Variants in TCEA1 observed in about 807,000 individuals in gnomAD.
The protein encoded by TCEA1 is transcription elongation factor A1.
Under a neutral mutation model 43.8 loss-of-function variants are expected in TCEA1, and 21 were observed. The ratio of observed to expected loss-of-function variants is 0.48; its 90% confidence interval spans 0.34 to 0.69. The LOEUF (loss-of-function observed/expected upper bound fraction) is 0.69. Among genes scored for constraint, TCEA1 ranks in the 30% least tolerant of loss-of-function variants. The pLI is 0.01. For missense variants in TCEA1, 250 were observed against 365.1 expected, an observed-to-expected ratio of 0.68 and a Z score of 2.57; for synonymous variants, 104 against 117.5, an observed-to-expected ratio of 0.88 and a Z score of 0.75.
At chr8:54,005,502 A>G (rs1804410372) in intron 2 of TCEA1, among the ~76,000 whole-genome samples, 1 of 151,994 alleles carries the variant, frequency 6.6e-6, no homozygotes, top group African/African-American at 2.4e-5. Flanking sequence ...TCACCCCTCC[A>G]TTTTTATTTT....
intron 2 of TCEA1, among the ~76,000 whole-genome samples, chr8:54,000,961 G>A (rs1010865097): frequency 3.3e-5 from 5 of 152,030 alleles, no homozygotes; most frequent in Admixed American, 6.6e-5. Flanking sequence ...ACTGCACCAC[G>A]TTGGCCAGGC....
At chr8:54,004,497 T>C (rs1804376227) in intron 2 of TCEA1, among the ~76,000 whole-genome samples, 1 of 152,042 alleles carries the variant, frequency 6.6e-6, no homozygotes, top group African/African-American at 2.4e-5. Context: ...CCTGAAAACA[T>C]TAAGCTAAGT....
intron 1 of TCEA1, among the ~76,000 whole-genome samples, chr8:54,020,134 T>G (rs974771907): frequency 1.5e-4 from 23 of 152,316 alleles, no homozygotes; most frequent in African/African-American, 5.3e-4. Context: ...AGCAAACATC[T>G]AATGCATTAG....
At chr8:53,994,092 CT>C (rs1231543770) in intron 3 of TCEA1, among the ~76,000 whole-genome samples, 1 of 152,214 alleles carries the variant, frequency 6.6e-6, no homozygotes, top group Non-Finnish European at 1.5e-5. Context: ...TGGCTCACGC[CT>C]GTAATTCCAG....
intron 1 of TCEA1, among the ~76,000 whole-genome samples, chr8:54,017,166 C>T (rs1322166917): frequency 6.6e-6 from 1 of 152,048 alleles, no homozygotes; most frequent in Non-Finnish European, 1.5e-5. Context: ...TGAGGAGTGA[C>T]TGCTTAATAG....
intron 2 of TCEA1, among the ~76,000 whole-genome samples, chr8:54,008,010 C>T (rs768771806): frequency 6.6e-6 from 1 of 151,720 alleles, no homozygotes; most frequent in Admixed American, 6.6e-5. Flanking sequence ...GGTGAAACCC[C>T]GTCTCTACTA....
intron 4 of TCEA1, among the ~76,000 whole-genome samples, chr8:53,988,993 C>T (rs1247774605): frequency 1.3e-5 from 2 of 151,554 alleles, no homozygotes; most frequent in Non-Finnish European, 2.9e-5. Flanking sequence ...CGCTTGAACC[C>T]AGAGGCAGAG....
chr8:54,014,150 G>A (rs2129313792), intron 1 of TCEA1, among the ~76,000 whole-genome samples: 1 of 152,268 alleles, frequency 6.6e-6, no homozygotes, highest in African/African-American at 2.4e-5. Context: ...CTTGCCCAAG[G>A]TCATACTGAC....
chr8:53,972,417 G>A (rs1803184510), intron 8 of TCEA1: 1 of 544,840 alleles, frequency 1.8e-6, no homozygotes, highest in South Asian at 1.5e-5. Context: ...AGATGATATG[G>A]CAGATTTGTT....
chr8:54,014,980 T>C (rs1804776098), intron 1 of TCEA1, among the ~76,000 whole-genome samples: 1 of 152,174 alleles, frequency 6.6e-6, no homozygotes, highest in South Asian at 2.1e-4. Context: ...ACACATAGCA[T>C]GGTTGATGAG....
At chr8:53,983,527 C>T (rs753567008) in intron 7 of TCEA1, among the ~76,000 whole-genome samples, 8 of 152,174 alleles carry the variant, frequency 5.3e-5, no homozygotes, top group Non-Finnish European at 1.0e-4. Flanking sequence ...CAGTGGCTCA[C>T]GCCTGTGATC....
chr8:53,976,724 T>G (rs1174121365), intron 8 of TCEA1, among the ~76,000 whole-genome samples: 1 of 152,164 alleles, frequency 6.6e-6, no homozygotes, highest in Admixed American at 6.5e-5. Flanking sequence ...TAGATGGCAT[T>G]TTTTAGGGTG....
At chr8:53,984,057 G>A (rs1316065005) in intron 7 of TCEA1, among the ~76,000 whole-genome samples, 1 of 152,168 alleles carries the variant, frequency 6.6e-6, no homozygotes, top group Non-Finnish European at 1.5e-5. Flanking sequence ...CCAAGATCGT[G>A]CCATTGCACT....
intron 8 of TCEA1, among the ~76,000 whole-genome samples, chr8:53,976,672 G>C (rs1803341877): frequency 6.8e-6 from 1 of 147,284 alleles, no homozygotes. Flanking sequence ...TTTTAAAGAA[G>C]TTTTAACTTT....
chr8:54,004,238 T>C (rs927441711), intron 2 of TCEA1, among the ~76,000 whole-genome samples: 5 of 152,130 alleles, frequency 3.3e-5, no homozygotes, highest in African/African-American at 1.2e-4. Flanking sequence ...GTCCTCAAAA[T>C]GTTAAACACA....
At position 53,969,639 on chromosome 8, in the gene TCEA1, T is replaced by G. The variant is rs137860750; in HGVS notation, c.897+753A>C. The stretch of plus-strand genomic sequence containing the variant: ...CCGAAATGTAGGTACTATTTACATT[T>G]AATACATAAGAACAATATAGTTCAG... On this transcript the variant is annotated intron_variant, in intron 9 of 9. Coordinates refer to ENST00000521604, the MANE Select transcript of TCEA1 (RefSeq NM_006756.4). 4.6e-5 allele frequency among the ~76,000 whole-genome samples: 7 copies of G among 152,302 alleles called. No homozygotes were observed. The East Asian group carries it at 7.7e-4, about 17-fold the overall frequency.
intron 7 of TCEA1, among the ~76,000 whole-genome samples, chr8:53,982,279 G>A (rs1803534714): frequency 1.3e-5 from 2 of 151,956 alleles, no homozygotes; most frequent in South Asian, 4.1e-4. Flanking sequence ...AATCATCATG[G>A]ATGACTTTGA....
chr8:54,000,501 T>C (rs1804222739), intron 2 of TCEA1, among the ~76,000 whole-genome samples: 1 of 152,198 alleles, frequency 6.6e-6, no homozygotes, highest in African/African-American at 2.4e-5. Flanking sequence ...AACTACCACC[T>C]ATCCAGGTTT....
chr8:53,996,348 G>T (rs1313720924), intron 3 of TCEA1, among the ~76,000 whole-genome samples: 1 of 152,336 alleles, frequency 6.6e-6, no homozygotes, highest in South Asian at 2.1e-4. Context: ...ATTCACCACT[G>T]ATTCAACTGT....
Sources: allele counts gnomAD v4.1 joint callset (sites outside exome capture counted in the v4.1 genomes callset), GRCh38; gene constraint gnomAD v4.1.1; transcripts MANE v1.5; gene names NCBI Gene and HGNC (gene_info 2026-07-23, HGNC 2026-07-21).